CHRNA4: variants seen among roughly 807,000 people sequenced by gnomAD.
CHRNA4 encodes the protein cholinergic receptor nicotinic alpha 4 subunit.
A neutral mutation model predicts 48.9 loss-of-function variants in CHRNA4; 28 were observed. The ratio of observed to expected loss-of-function variants is 0.57; its 90% confidence interval spans 0.42 to 0.79. CHRNA4 has a LOEUF of 0.79. Ranked by LOEUF, CHRNA4 falls within the 30% of genes least tolerant of loss-of-function variation. The probability of loss-of-function intolerance (pLI) is 0.00; values close to 1 mark genes in which losing one functional copy is unlikely to be tolerated. For missense variants in CHRNA4, 859 were observed against 898.4 expected (o/e 0.96, Z 0.56); for synonymous variants, 425 against 402.3 (o/e 1.06, Z -0.68).
At chr20:63,347,239 G>A (rs1398743310) in intron 5 of CHRNA4, among the ~76,000 whole-genome samples, 2 of 152,238 alleles carry the variant, frequency 1.3e-5, no homozygotes, top group South Asian at 2.1e-4. Flanking sequence ...CCCCGTGAGC[G>A]GTCTGCTCTC....
Position 63,358,437 on chromosome 20 carries a change from G to A in CHRNA4, c.228+1111C>T, listed in dbSNP as rs868339920. Among the ~76,000 whole-genome samples the A allele has an allele frequency of 1.3e-4, 20 of 152,356 alleles. 1 individual carries two copies. The highest frequency in any genetic ancestry group is 3.4e-4 in the African/African-American group (14 of 41,600). ...AAGAGAGGAAATTCTCCCGCAACCC[G>A]GTGGCTCCTCCCTCAGCGGCAGACC... On this transcript the variant is annotated intron_variant, in intron 2 of 5. Coordinates refer to ENST00000370263, the MANE Select transcript of CHRNA4 (RefSeq NM_000744.7).
intron 4 of CHRNA4, chr20:63,355,436 G>T: frequency 1.9e-6 from 2 of 1,051,630 alleles, no homozygotes; most frequent in South Asian, 1.3e-5. Flanking sequence ...TGGGCAGAGC[G>T]TGAGTATGCA....
At chr20:63,357,047 A>ACAGGACTACATCCCACAGGACCACAG (rs1568817550) in intron 2 of CHRNA4, among the ~76,000 whole-genome samples, 1 of 142,142 alleles carries the variant, frequency 7.0e-6, no homozygotes, top group Non-Finnish European at 1.5e-5. Context: ...CAGGACCACA[A>ACAGGACTACATCCCACAGGACCACAG]CCCACAGGAC....
chr20:63,356,617 G>A, intron 2 of CHRNA4: 1 of 624,408 alleles, frequency 1.6e-6, no homozygotes, highest in Non-Finnish European at 2.9e-6. Flanking sequence ...AGGGATGTGG[G>A]GACAAGGCCA....
In CHRNA4 at chr20:63,349,747, G is replaced by A. The variant is rs1363655626; in HGVS notation, c.1664C>T (p.Pro555Leu). 6.2e-7 allele frequency: 1 copy of A among 1,612,360 alleles called. No homozygotes were observed. Among genetic ancestry groups the A allele is most frequent in the Non-Finnish European group, 8.5e-7 (1 of 1,179,566 alleles). Residue 555 changes from proline (P) to leucine (L), a missense_variant, in exon 5 of 6, where the codon CCC becomes CTC. Physicochemically the swap from Pro to Leu is moderately conservative, Grantham distance 98. Around this residue, in one of 3 missense-constraint regions of CHRNA4, gnomAD observed 478 missense variants for 455.4 expected, o/e 1.05. Coordinates refer to ENST00000370263, the MANE Select transcript of CHRNA4 (RefSeq NM_000744.7). Reference protein sequence around the residue: ...TVKTRSTKAPPPHLPLSPALT... With the variant: ...TVKTRSTKAPLPHLPLSPALT... ...GGCCGGCGACAGGGGCAGGTGCGGG[G>A]GCGGCGCTTTGGTGCTGCGGGTCTT...
At position 63,350,838 on chromosome 20, in the gene CHRNA4, C is replaced by T; in HGVS notation, c.573G>A (p.Leu191=). ...GGTCCACGCGGCTGTGCATGTTCAC[C>T]AGGTCGATCTTGGCCTTGTCGTAGG... ...SWTYDKAKID[L]VNMHSRVDQL... Residue 191 remains leucine, a synonymous_variant, in exon 5 of 6, where the codon CTG becomes CTA. Transcript: ENST00000370263. 1.2e-6 allele frequency: 2 copies of T among 1,613,996 alleles called. No homozygotes were observed. The highest frequency in any genetic ancestry group is 2.7e-5 in the African/African-American group (2 of 74,998).
At chr20:63,346,893 C>A (rs56328826) in intron 5 of CHRNA4, 30 bp from the exon 6 acceptor site, 1 of 1,611,410 alleles carries the variant, frequency 6.2e-7, no homozygotes, top group Admixed American at 1.7e-5. Flanking sequence ...CACTCCAGCA[C>A]GGCCCGGCCG....
intron 4 of CHRNA4, among the ~76,000 whole-genome samples, chr20:63,353,866 T>C (rs73316420): frequency 1.4e-3 from 5 of 3,686 alleles, no homozygotes; most frequent in Non-Finnish European, 2.1e-3. Context: ...GGGCTGTGGT[T>C]CTGGGGGGAC....
chr20:63,355,266 C>T (rs2068699829), intron 4 of CHRNA4: 1 of 348,912 alleles, frequency 2.9e-6, no homozygotes. Flanking sequence ...CCGGAGGCCA[C>T]CATCTGCCAC....
At chr20:63,356,440 G>A (rs199501716) in intron 2 of CHRNA4, 25 bp from the exon 3 acceptor site, 8 of 1,588,728 alleles carry the variant, frequency 5.0e-6, no homozygotes, top group African/African-American at 4.0e-5. Context: ...GAGGAAGGGG[G>A]CCAGTGACCC....
At chr20:63,355,007 T>C (rs1255879378) in intron 4 of CHRNA4, among the ~76,000 whole-genome samples, 1 of 152,170 alleles carries the variant, frequency 6.6e-6, no homozygotes, top group Non-Finnish European at 1.5e-5. Context: ...TTCTTAATCA[T>C]ACAGCAGGGT....
chr20:63,349,650 TA>T lies in CHRNA4; in HGVS notation c.1758+2del, dbSNP rs1235624007. The T allele has an allele frequency of 6.2e-7, 1 of 1,612,732 alleles. No individual in the cohort carries two copies. The highest frequency in any genetic ancestry group is 8.5e-7 in the Non-Finnish European group (1 of 1,179,866). ...GCCCAACACAGCCATGGGCGGGACT[TA>T]CCGAGAAGTCTGTGTCTTCGGCCTT... On this transcript the variant is annotated splice_donor_variant, in intron 5 of 5. Coordinates refer to ENST00000370263, the MANE Select transcript of CHRNA4 (RefSeq NM_000744.7). LOFTEE classifies it high-confidence loss of function.
chr20:63,354,513 G>A, intron 4 of CHRNA4: 2 of 917,632 alleles, frequency 2.2e-6, no homozygotes, highest in Non-Finnish European at 2.6e-6. Context: ...AGGAACTGTG[G>A]TCCTGGGGGA....
In CHRNA4 at chr20:63,359,913, G is replaced by GCGCTGTGTA; in HGVS notation, c.77-215_77-214insTACACAGCG. ...GGGCGTGTGCTGTGTGTGTGTGTGT[G>GCGCTGTGTA]TGTGTGTGTGTGTGTGCCGGGCGTG... On this transcript the variant is annotated intron_variant, in intron 1 of 5. Coordinates refer to ENST00000370263, the MANE Select transcript of CHRNA4 (RefSeq NM_000744.7). 2.0e-4 allele frequency: 106 copies of GCGCTGTGTA among 519,014 alleles called. 1 individual carries two copies. The highest frequency in any genetic ancestry group is 3.1e-4 in the East Asian group (9 of 29,016). 32.2% of individuals were successfully genotyped at this position (519,014 alleles called of 1,614,324 possible). A position where few individuals can be genotyped will look rare whatever the true frequency, so the allele number is the denominator to read the frequency against.
intron 1 of CHRNA4, 40 bp from the exon 2 acceptor site, chr20:63,359,739 G>A (rs780743335): frequency 6.3e-7 from 1 of 1,598,638 alleles, no homozygotes; most frequent in Non-Finnish European, 8.5e-7. Flanking sequence ...GTGCAGGCGG[G>A]ACAGGAGCCG....
chr20:63,343,344 G>T lies in CHRNA4; in HGVS notation c.*3394C>A. On this transcript the variant is annotated 3_prime_UTR_variant, in exon 6 of 6. Transcript: ENST00000370263. ...CCTGGGCTCGGCGGGCCACACGGTC[G>T]GCGGGGCTTGGTCCATGGGGCTGGC... 2.2e-6 allele frequency: 1 copy of T among 452,636 alleles called. No homozygotes were observed. The highest frequency in any genetic ancestry group is 4.4e-6 in the Non-Finnish European group (1 of 225,624). The allele number at this position is 452,636 out of a possible 1,614,324, so 28.0% of individuals were successfully genotyped here.
At chr20:63,352,483 A>G (rs903899194) in intron 4 of CHRNA4, among the ~76,000 whole-genome samples, 22 of 152,282 alleles carry the variant, frequency 1.4e-4, no homozygotes, top group African/African-American at 5.1e-4. Context: ...AAGAGCCACC[A>G]GCTGCATCTC....
intron 4 of CHRNA4, among the ~76,000 whole-genome samples, chr20:63,352,617 C>T (rs2068632619): frequency 6.6e-6 from 1 of 152,210 alleles, no homozygotes; most frequent in Non-Finnish European, 1.5e-5. Flanking sequence ...CAGCCCATCT[C>T]TCCAAAAACC....
intron 5 of CHRNA4, 93 bp from the exon 6 acceptor site, chr20:63,346,956 C>T: frequency 1.3e-6 from 2 of 1,568,398 alleles, no homozygotes; most frequent in South Asian, 2.2e-5. Context: ...ACAGCTTCTC[C>T]ACCTCCCACC....
Sources: gnomAD v4.1 joint callset for allele counts (sites outside exome capture counted in the v4.1 genomes callset) on GRCh38, gnomAD v4.1.1 for gene constraint, gnomAD v4.1.1 regional missense constraint, MANE v1.5 for transcripts, NCBI Gene and HGNC (gene_info 2026-07-23, HGNC 2026-07-21) for gene names.